The following CEP112 variants were observed in gnomAD, a reference collection of about 807,000 sequenced individuals.
CEP112 encodes centrosomal protein 112.
In CEP112, 127 loss-of-function variants were observed where a neutral mutation model predicts 153.0. The ratio of observed to expected loss-of-function variants is 0.83; its 90% confidence interval spans 0.72 to 0.96. CEP112 has a LOEUF of 0.96. Among genes scored for constraint, CEP112 ranks in the 40% least tolerant of loss-of-function variants. The probability of loss-of-function intolerance (pLI) is 0.00; values close to 1 mark genes in which losing one functional copy is unlikely to be tolerated. For synonymous variants in CEP112, 358 were observed against 374.4 expected, an observed-to-expected ratio of 0.96 and a Z score of 0.51; for missense variants, 1,089 against 1,101.2, an observed-to-expected ratio of 0.99 and a Z score of 0.16.
At chr17:65,886,816 G>A (rs1016566935) in intron 20 of CEP112, among the ~76,000 whole-genome samples, 5 of 152,064 alleles carry the variant, frequency 3.3e-5, no homozygotes, top group African/African-American at 2.4e-5. Flanking sequence ...CTACACAACC[G>A]CGGGCTGCCA....
Position 65,972,001 on chromosome 17 carries a change from A to G in CEP112, c.1737-10403T>C, listed in dbSNP as rs559920185. The stretch of plus-strand genomic sequence containing the variant: ...AATTGATAGGACAAGTAGACAGACA[A>G]GAATAAAGAGCTAGGATAACTAGGA... On this transcript the variant is annotated intron_variant, in intron 17 of 26. Coordinates refer to ENST00000535342, the MANE Select transcript of CEP112 (RefSeq NM_001199165.4). Among the ~76,000 whole-genome samples the G allele has an allele frequency of 2.6e-5, 4 of 152,320 alleles. No homozygotes were observed. The East Asian group carries it at 7.7e-4, about 29-fold the overall frequency.
At chr17:66,022,098 C>T (rs376245204) in intron 16 of CEP112, among the ~76,000 whole-genome samples, 80 of 152,226 alleles carry the variant, frequency 5.3e-4, no homozygotes, top group Middle Eastern at 3.4e-3. Context: ...TGCTTACCTT[C>T]CAGGTACACC....
intron 6 of CEP112, among the ~76,000 whole-genome samples, chr17:66,115,856 G>A (rs1418606265): frequency 6.6e-6 from 1 of 152,182 alleles, no homozygotes; most frequent in African/African-American, 2.4e-5. Context: ...GCAGCAAACA[G>A]CAGGGCCTAG....
At chr17:65,818,640 C>T (rs948483806) in intron 21 of CEP112, among the ~76,000 whole-genome samples, 27 of 151,656 alleles carry the variant, frequency 1.8e-4, no homozygotes, top group African/African-American at 6.0e-4. Context: ...ATTTGGGGAC[C>T]CCCTTAGATG....
intron 23 of CEP112, among the ~76,000 whole-genome samples, chr17:65,710,372 CT>C (rs1275431761): frequency 1.3e-5 from 2 of 152,124 alleles, no homozygotes; most frequent in Admixed American, 6.6e-5. Context: ...ATTTTCATAT[CT>C]TTTTTTCTGT....
At chr17:66,061,223 C>A (rs2066909355) in intron 11 of CEP112, among the ~76,000 whole-genome samples, 1 of 151,958 alleles carries the variant, frequency 6.6e-6, no homozygotes, top group East Asian at 1.9e-4. Context: ...ACCAAACTTA[C>A]AATGAGATAT....
At chr17:65,698,507 G>T (rs2048463244) in intron 23 of CEP112, among the ~76,000 whole-genome samples, 1 of 152,152 alleles carries the variant, frequency 6.6e-6, no homozygotes, top group Non-Finnish European at 1.5e-5. Context: ...TCCAGGAAAA[G>T]AAATCATGTT....
chr17:65,812,919 C>CA (rs1222305009), intron 21 of CEP112, among the ~76,000 whole-genome samples: 1 of 151,996 alleles, frequency 6.6e-6, no homozygotes, highest in Non-Finnish European at 1.5e-5. Flanking sequence ...GGATTGAAAA[C>CA]AAAAGCAAAC....
chr17:66,137,609 G>A (rs2070494978), intron 4 of CEP112, among the ~76,000 whole-genome samples: 1 of 152,138 alleles, frequency 6.6e-6, no homozygotes, highest in Non-Finnish European at 1.5e-5. Flanking sequence ...TCATAAAACT[G>A]TAAAAGGATT....
intron 18 of CEP112, among the ~76,000 whole-genome samples, chr17:65,946,052 T>G (rs977917229): frequency 1.1e-4 from 16 of 152,226 alleles, no homozygotes. Flanking sequence ...CCCTTATTGA[T>G]TCACAGTTCT....
At chr17:65,723,058 C>T (rs2049980705) in intron 23 of CEP112, among the ~76,000 whole-genome samples, 1 of 152,328 alleles carries the variant, frequency 6.6e-6, no homozygotes, top group African/African-American at 2.4e-5. Context: ...AAACACCATA[C>T]AGTGTGTTCC....
intron 24 of CEP112, among the ~76,000 whole-genome samples, chr17:65,650,384 G>A (rs112272118): frequency 9.7e-4 from 147 of 152,188 alleles, no homozygotes; most frequent in African/African-American, 3.3e-3. Flanking sequence ...TAGCAAAAAC[G>A]GGCCCCACAC....
chr17:65,990,239 T>C (rs886230729), intron 17 of CEP112, among the ~76,000 whole-genome samples: 4 of 152,080 alleles, frequency 2.6e-5, no homozygotes, highest in African/African-American at 9.7e-5. Flanking sequence ...CAGAGCAAGA[T>C]GGCTAAATAG....
At chr17:65,992,552 T>A (rs144066140) in intron 17 of CEP112, among the ~76,000 whole-genome samples, 52 of 152,298 alleles carry the variant, frequency 3.4e-4, no homozygotes, top group Admixed American at 1.1e-3. Context: ...TCTTTGATAA[T>A]GCCAATGAAT....
intron 8 of CEP112, among the ~76,000 whole-genome samples, chr17:66,075,199 C>T (rs755845408): frequency 2.1e-4 from 32 of 152,124 alleles, no homozygotes; most frequent in Admixed American, 1.1e-3. Context: ...AAAGATAATA[C>T]AACAACCTCA....
intron 4 of CEP112, among the ~76,000 whole-genome samples, chr17:66,170,732 T>C (rs1427081332): frequency 6.6e-6 from 1 of 151,368 alleles, no homozygotes; most frequent in African/African-American, 2.4e-5. Flanking sequence ...CACTGTACTC[T>C]AGCCTGGGTG....
chr17:66,057,258 T>C (rs12940771), intron 11 of CEP112, among the ~76,000 whole-genome samples: 62,487 of 151,990 alleles, frequency 0.41, 14,315 homozygotes, highest in East Asian at 0.87. Context: ...GAGTGGTAGA[T>C]ACATTCAAAA....
chr17:66,124,395 C>T (rs1319430909), intron 6 of CEP112, among the ~76,000 whole-genome samples: 2 of 151,894 alleles, frequency 1.3e-5, no homozygotes, highest in East Asian at 3.8e-4. Flanking sequence ...TAATAGCAAG[C>T]GAAAATACAT....
chr17:65,684,272 G>A (rs763456545), intron 24 of CEP112, among the ~76,000 whole-genome samples: 1 of 152,124 alleles, frequency 6.6e-6, no homozygotes, highest in African/African-American at 2.4e-5. Context: ...ACTCAGCATT[G>A]TATTTTATTT....
Sources: gnomAD v4.1 joint callset for allele counts (sites outside exome capture counted in the v4.1 genomes callset) on GRCh38, gnomAD v4.1.1 for gene constraint, MANE v1.5 for transcripts, NCBI Gene and HGNC (gene_info 2026-07-23, HGNC 2026-07-21) for gene names.